GAB4: variants seen among roughly 807,000 people sequenced by gnomAD.
GAB4 encodes GRB2-associated-binding protein 4.
In GAB4, 26 loss-of-function variants were observed where a neutral mutation model predicts 51.3. The observed-to-expected ratio is 0.51, with a 90% CI of 0.37 to 0.70. The LOEUF is 0.70. GAB4 is among the 30% of genes least tolerant of loss of function. The pLI is 0.00. For missense variants in GAB4, 759 were observed against 734.6 expected, an observed-to-expected ratio of 1.03 and a Z score of -0.38; for synonymous variants, 329 against 291.2, an observed-to-expected ratio of 1.13 and a Z score of -1.32.
chr22:16,970,311 A>C, intron 3 of GAB4, 118 bp from the exon 4 acceptor site: 2 of 1,161,260 alleles, frequency 1.7e-6, no homozygotes, highest in Non-Finnish European at 2.4e-6. Context: ...AAACACAGGA[A>C]GAGGAATTGG....
intron 1 of GAB4, among the ~76,000 whole-genome samples, chr22:16,996,662 C>A (rs2060951504): frequency 6.6e-6 from 1 of 151,980 alleles, no homozygotes; most frequent in Non-Finnish European, 1.5e-5. Flanking sequence ...ATTCAACATT[C>A]TTTTTTATTA....
At chr22:16,981,819 C>T (rs999324597) in intron 3 of GAB4, among the ~76,000 whole-genome samples, 1 of 152,086 alleles carries the variant, frequency 6.6e-6, no homozygotes, top group Non-Finnish European at 1.5e-5. Context: ...AAAAAGAAAA[C>T]ATCCCTGATG....
Position 17,007,989 on chromosome 22 carries a change from G to A in GAB4, c.126C>T (p.Tyr42=), listed in dbSNP as rs772268387. The change falls in exon 1 of 10, where the codon TAC becomes TAT. Residue 42 remains tyrosine, a synonymous_variant. Coordinates refer to ENST00000400588, the MANE Select transcript of GAB4 (RefSeq NM_001037814.1). ...GGSTRSGHVL[Y]SGWLRKSPPE... ...GGGGCGACTTCCTCAGCCAGCCGCTGTACAGCACGTGGCCACTTCTCGTGC... is the reference window on the plus strand; with the variant it reads ...GGGGCGACTTCCTCAGCCAGCCGCTATACAGCACGTGGCCACTTCTCGTGC... 3 of 1,612,548 alleles carry A rather than the reference G, an allele frequency of 1.9e-6. No homozygotes were observed. The highest frequency in any genetic ancestry group is 1.3e-5 in the African/African-American group (1 of 74,830).
intron 3 of GAB4, among the ~76,000 whole-genome samples, chr22:16,986,217 C>T (rs1263060666): frequency 6.6e-6 from 1 of 152,214 alleles, no homozygotes; most frequent in Non-Finnish European, 1.5e-5. Context: ...CTGGTATCCT[C>T]AGTCTGTGTC....
At chr22:17,002,243 T>C (rs2061003544) in intron 1 of GAB4, among the ~76,000 whole-genome samples, 1 of 152,236 alleles carries the variant, frequency 6.6e-6, no homozygotes, top group South Asian at 2.1e-4. Context: ...CTGGGAGCTG[T>C]AGACTGGAGC....
chr22:16,964,285 T>C (rs1443875172), intron 8 of GAB4, among the ~76,000 whole-genome samples: 1 of 152,140 alleles, frequency 6.6e-6, no homozygotes, highest in Non-Finnish European at 1.5e-5. Context: ...GGGCTCTGGG[T>C]TTTGGCTGCT....
chr22:16,964,130 T>G (rs1413771975), intron 8 of GAB4, among the ~76,000 whole-genome samples: 2 of 152,122 alleles, frequency 1.3e-5, no homozygotes, highest in East Asian at 3.9e-4. Context: ...AGATCGGCAG[T>G]GCCCACCACC....
intron 1 of GAB4, among the ~76,000 whole-genome samples, chr22:17,002,099 C>T (rs1459767856): frequency 6.6e-6 from 1 of 152,172 alleles, no homozygotes; most frequent in Non-Finnish European, 1.5e-5. Context: ...TTCCCTGACC[C>T]CTTGTGCTTC....
chr22:16,981,584 A>G (rs948724982), intron 3 of GAB4, among the ~76,000 whole-genome samples: 1 of 152,198 alleles, frequency 6.6e-6, no homozygotes, highest in African/African-American at 2.4e-5. Context: ...ATGAAGAAAT[A>G]GAAAACCTGA....
At chr22:16,992,268 G>T in intron 1 of GAB4, 92 bp from the exon 2 acceptor site, 2 of 1,116,034 alleles carry the variant, frequency 1.8e-6, no homozygotes, top group South Asian at 3.1e-5. Context: ...GATGGGACTC[G>T]GACCTGCACT....
intron 1 of GAB4, among the ~76,000 whole-genome samples, chr22:16,996,270 A>C (rs960555520): frequency 3.9e-5 from 6 of 152,036 alleles, no homozygotes; most frequent in African/African-American, 1.4e-4. Context: ...AAAAAAACTT[A>C]AGGAATGAAC....
intron 1 of GAB4, among the ~76,000 whole-genome samples, chr22:16,993,345 T>C (rs1045333071): frequency 6.6e-6 from 1 of 152,162 alleles, no homozygotes; most frequent in Non-Finnish European, 1.5e-5. Context: ...AGTTTTATTA[T>C]GCAAACAAAC....
At chr22:17,004,160 C>T (rs898909522) in intron 1 of GAB4, among the ~76,000 whole-genome samples, 25 of 152,274 alleles carry the variant, frequency 1.6e-4, no homozygotes, top group African/African-American at 5.8e-4. Context: ...ATAATAAATT[C>T]TGAAATTGAA....
At chr22:16,987,734 T>A (rs1258969254) in intron 3 of GAB4, among the ~76,000 whole-genome samples, 1 of 152,220 alleles carries the variant, frequency 6.6e-6, no homozygotes, top group Non-Finnish European at 1.5e-5. Flanking sequence ...TTTTTTATAA[T>A]GGTAGGTTTC....
Position 16,970,169 on chromosome 22 carries a change from A to G in GAB4, c.711T>C (p.Ser237=), listed in dbSNP as rs765855931. Residue 237 remains serine, a synonymous_variant, in exon 4 of 10, where the codon TCT becomes TCC. Coordinates refer to ENST00000400588, the MANE Select transcript of GAB4 (RefSeq NM_001037814.1). ...HARSASFSQG[S]EAPFIMRRNT... ...TTCTCCTCATGATGAATGGGGCCTC[A>G]GAACCCTGGGAGAAGCTGGCACTCC... is the stretch of plus-strand genomic sequence containing the variant. 1 of 1,614,184 alleles carries G rather than the reference A, an allele frequency of 6.2e-7. No individual in the cohort carries two copies. Among genetic ancestry groups the G allele is most frequent in the Non-Finnish European group, 8.5e-7 (1 of 1,180,020 alleles).
chr22:16,994,808 T>C (rs1382931413), intron 1 of GAB4, among the ~76,000 whole-genome samples: 1 of 152,200 alleles, frequency 6.6e-6, no homozygotes, highest in African/African-American at 2.4e-5. Context: ...GACTAGACCC[T>C]TTGGTACAAC....
intron 6 of GAB4, 100 bp downstream of exon 6, chr22:16,966,000 C>T (rs1036282889): frequency 1.5e-5 from 17 of 1,111,410 alleles, no homozygotes; most frequent in Non-Finnish European, 2.1e-5. Context: ...ATTCACATGA[C>T]TTGCCAAAGT....
Position 16,962,745 on chromosome 22 carries a change from G to A in GAB4, c.1713C>T (p.Gly571=), listed in dbSNP as rs372257366. ...TTGGTGGCCCGAGTCACAGCTTGGCGCCCCTGGGAGGCTCTGAGGACTGCC... is the reference window on the plus strand; with the variant it reads ...TTGGTGGCCCGAGTCACAGCTTGGCACCCCTGGGAGGCTCTGAGGACTGCC... ...CLRQSSEPPR[G]AKL is the part of the protein sequence containing the mutation. Residue 571 remains glycine (G), a synonymous_variant, in exon 10 of 10, where the codon GGC becomes GGT. Coordinates refer to ENST00000400588, the MANE Select transcript of GAB4 (RefSeq NM_001037814.1). 7.5e-5 allele frequency: 121 copies of A among 1,611,044 alleles called. No homozygotes were observed. Among genetic ancestry groups the A allele is most frequent in the Non-Finnish European group, 8.3e-5 (98 of 1,179,364 alleles).
intron 1 of GAB4, among the ~76,000 whole-genome samples, chr22:17,007,395 C>G (rs2061049176): frequency 6.6e-6 from 1 of 152,168 alleles, no homozygotes. Context: ...CGCGAACGAC[C>G]CCGGGAGTGG....
Sources: allele counts gnomAD v4.1 joint callset (sites outside exome capture counted in the v4.1 genomes callset), GRCh38; gene constraint gnomAD v4.1.1; transcripts MANE v1.5; gene names NCBI Gene and HGNC (gene_info 2026-07-23, HGNC 2026-07-21).